Variants in BICRA observed in about 807,000 individuals in gnomAD.
BICRA encodes BRD4 interacting chromatin remodeling complex associated protein.
In BICRA, 31 loss-of-function variants were observed where a neutral mutation model predicts 96.9. The ratio of observed to expected loss-of-function variants is 0.32; its 90% CI spans 0.24 to 0.43. The LOEUF (loss-of-function observed/expected upper bound fraction) is 0.43. Among genes scored for constraint, BICRA ranks in the 20% least tolerant of loss-of-function variants. The pLI is 1.00. For synonymous variants in BICRA, 1,350 were observed against 1,071.8 expected, an observed-to-expected ratio of 1.26 and a Z score of -5.07; for missense variants, 2,283 against 2,190.3, an observed-to-expected ratio of 1.04 and a Z score of -0.84.
chr19:47,687,576 A>T (rs1024384491), intron 7 of BICRA, among the ~76,000 whole-genome samples: 1 of 152,084 alleles, frequency 6.6e-6, no homozygotes, highest in Non-Finnish European at 1.5e-5. Flanking sequence ...GCGGGCAATC[A>T]CCTGAGGTCA....
rs1465340179 is a variant in BICRA, at chr19:47,637,404, C to G, written c.-108+28236C>G. ...AAAGTGCTGGGAATACAGGCGTGAGCCACTGCGCCCAGCCTGTTTTTATTT... is the reference window on the plus strand; with the variant it reads ...AAAGTGCTGGGAATACAGGCGTGAGGCACTGCGCCCAGCCTGTTTTTATTT... On this transcript the variant is annotated intron_variant, in intron 1 of 14. Transcript: ENST00000594866. Among the ~76,000 whole-genome samples the G allele has an allele frequency of 3.9e-5, 6 of 151,930 alleles. No individual in the cohort carries two copies. In the East Asian group the frequency reaches 1.2e-3, roughly 30 times the overall value.
intron 1 of BICRA, among the ~76,000 whole-genome samples, chr19:47,612,694 C>G (rs997628420): frequency 6.0e-5 from 9 of 150,858 alleles, no homozygotes; most frequent in Non-Finnish European, 1.5e-5. Context: ...GGAGGTAATA[C>G]AGGTGATCTT....
rs35737042 is a variant in BICRA at position 47,668,487 on chromosome 19, C to CTT, written c.-107-1940_-107-1939dup. Reference sequence around the variant, plus strand: ...CCACATTTTTCACATCTTTGTGAGTCTTTTTTTTTTTTTTTTTGAGACGGA... The same window carrying CTT: ...CCACATTTTTCACATCTTTGTGAGTCTTTTTTTTTTTTTTTTTTTGAGACGGA... On this transcript the variant is annotated intron_variant, in intron 1 of 14. Coordinates refer to ENST00000594866, the MANE Select transcript of BICRA (RefSeq NM_001394372.1). Among the ~76,000 whole-genome samples, 167 of 125,944 alleles carry CTT rather than the reference C, an allele frequency of 1.3e-3. 7 individuals carry two copies. Among genetic ancestry groups the CTT allele is most frequent in the East Asian group, 6.8e-3 (28 of 4,104 alleles). 82.6% of individuals were successfully genotyped at this position (125,944 alleles called of 152,430 possible). A position where few individuals can be genotyped will look rare whatever the true frequency, so the allele number is the denominator to read the frequency against.
chr19:47,700,381 A>G (rs1973421710), intron 14 of BICRA: 1 of 152,150 alleles, frequency 6.6e-6, no homozygotes, highest in South Asian at 2.1e-4. Flanking sequence ...AGCTACCTCA[A>G]TGCTGTCTTC....
chr19:47,654,254 G>C (rs1972581823), intron 1 of BICRA, among the ~76,000 whole-genome samples: 1 of 152,108 alleles, frequency 6.6e-6, no homozygotes, highest in African/African-American at 2.4e-5. Context: ...GGTATCCTCT[G>C]GTTCTGATGT....
At chr19:47,654,301 T>G (rs938408011) in intron 1 of BICRA, among the ~76,000 whole-genome samples, 5 of 152,182 alleles carry the variant, frequency 3.3e-5, no homozygotes, top group African/African-American at 1.2e-4. Context: ...GAGTATCTTG[T>G]CATGGCCATT....
intron 7 of BICRA, among the ~76,000 whole-genome samples, chr19:47,690,278 AGGTGTGAGCCACCGC>A (rs2123601364): frequency 1.3e-5 from 2 of 152,328 alleles, no homozygotes; most frequent in East Asian, 3.9e-4. Flanking sequence ...CTGGGATTAC[AGGTGTGAGCCACCGC>A]GCCCGGCCTA....
chr19:47,627,945 T>A lies in BICRA; in HGVS notation c.-108+18777T>A, dbSNP rs149259681. ...CCACTATGTCTGGCTAATTTCTGTA[T>A]TTTTAGTAGAGACGGGATTTCTTCA... On this transcript the variant is annotated intron_variant, in intron 1 of 14. Transcript: ENST00000594866. Among the ~76,000 whole-genome samples, 579 of 152,274 alleles carry A rather than the reference T, an allele frequency of 3.8e-3. 1 individual carries two copies. Among genetic ancestry groups the A allele is most frequent in the Non-Finnish European group, 6.7e-3 (453 of 68,016 alleles).
chr19:47,648,456 C>T (rs1972494605), intron 1 of BICRA, among the ~76,000 whole-genome samples: 1 of 151,854 alleles, frequency 6.6e-6, no homozygotes, highest in African/African-American at 2.4e-5. Flanking sequence ...GGGAGCCAGG[C>T]AGGAGCTAAG....
chr19:47,699,467 G>A lies in BICRA; in HGVS notation c.3595+62G>A. 1 of 970,144 alleles carries A rather than the reference G, an allele frequency of 1.0e-6. No individual in the cohort carries two copies. Among genetic ancestry groups the A allele is most frequent in the Non-Finnish European group, 1.6e-6 (1 of 618,908 alleles). 60.1% of individuals were successfully genotyped at this position (970,144 alleles called of 1,614,324 possible). A position where few individuals can be genotyped will look rare whatever the true frequency, so the allele number is the denominator to read the frequency against. On this transcript the variant is annotated intron_variant, in intron 14 of 14. Coordinates refer to ENST00000594866, the MANE Select transcript of BICRA (RefSeq NM_001394372.1). This position sits in a 1 kb window ranked among gnomAD's most constrained non-coding sequence, Gnocchi z 5.0. ...GTGCCCCCACCCCACCTGGGCAGAA[G>A]AGTTAGATTCAGGGCGGGGAGTGGG... is the stretch of plus-strand genomic sequence containing the variant.
At position 47,701,772 on chromosome 19, in the gene BICRA, C is replaced by T. The variant is rs1973453912; in HGVS notation, c.4040C>T (p.Pro1347Leu). ...PATLKVAEPP[P>L]RPPPPPPPTG... ...ACCCTCAAGGTGGCCGAGCCCCCGC[C>T]ACGGCCGCCACCACCACCGCCGCCC... is the stretch of plus-strand genomic sequence containing the variant. Residue 1347 changes from proline (P) to leucine (L), a missense_variant, in exon 15 of 15, where the codon CCA becomes CTA. Pro to Leu is a moderately conservative substitution (Grantham distance 98, BLOSUM62 -3). Coordinates refer to ENST00000594866, the MANE Select transcript of BICRA (RefSeq NM_001394372.1). The surrounding 1 kb of genome is among the most constrained non-coding windows in gnomAD (Gnocchi z 5.4). The T allele has an allele frequency of 6.5e-7, 1 of 1,541,048 alleles. No homozygotes were observed. Among genetic ancestry groups the T allele is most frequent in the South Asian group, 1.2e-5 (1 of 83,952 alleles).
At chr19:47,622,327 C>T (rs887133060) in intron 1 of BICRA, among the ~76,000 whole-genome samples, 5 of 151,778 alleles carry the variant, frequency 3.3e-5, no homozygotes, top group Non-Finnish European at 7.4e-5. Context: ...GAACTCCTGA[C>T]CTCAGGTGAT....
intron 1 of BICRA, among the ~76,000 whole-genome samples, chr19:47,627,365 G>C (rs1972156688): frequency 6.6e-6 from 1 of 152,120 alleles, no homozygotes. Flanking sequence ...TAATCAGCTA[G>C]AGAGGCCTAC....
chr19:47,702,449 C>A lies in BICRA; in HGVS notation c.*34C>A. 6.9e-7 allele frequency: 1 copy of A among 1,445,604 alleles called. No individual in the cohort carries two copies. The highest frequency in any genetic ancestry group is 9.0e-7 in the Non-Finnish European group (1 of 1,112,820). The allele number at this position is 1,445,604 out of a possible 1,614,324, so 89.5% of individuals were successfully genotyped here. On this transcript the variant is annotated 3_prime_UTR_variant, in exon 15 of 15. Coordinates refer to ENST00000594866, the MANE Select transcript of BICRA (RefSeq NM_001394372.1). ...CGCCTCCCCTTCCCCGTCCCCTCCT[C>A]CCGAAGACGCCGGGACAGTCGGGTG...
Position 47,701,872 on chromosome 19 carries a change from G to A in BICRA, c.4140G>A (p.Pro1380=), listed in dbSNP as rs752637038. 1.3e-5 allele frequency: 19 copies of A among 1,478,574 alleles called. No individual in the cohort carries two copies. In the South Asian group the frequency reaches 2.0e-4, roughly 16 times the overall value. 91.6% of individuals were successfully genotyped at this position (1,478,574 alleles called of 1,614,324 possible). A position where few individuals can be genotyped will look rare whatever the true frequency, so the allele number is the denominator to read the frequency against. The change falls in exon 15 of 15, where the codon CCG becomes CCA. Residue 1380 remains proline (P), a synonymous_variant. Coordinates refer to ENST00000594866, the MANE Select transcript of BICRA (RefSeq NM_001394372.1). This position sits in a 1 kb window ranked among gnomAD's most constrained non-coding sequence, Gnocchi z 5.4. ...AGCGCAAGCCCCTGGGCACCGCCCCGCACTGCCCGCGCCTGCCACTGCGCA... is the reference window on the plus strand; with the variant it reads ...AGCGCAAGCCCCTGGGCACCGCCCCACACTGCCCGCGCCTGCCACTGCGCA... ...APERKPLGTA[P]HCPRLPLRKT...
chr19:47,664,705 G>A (rs1350424940), intron 1 of BICRA, among the ~76,000 whole-genome samples: 3 of 152,202 alleles, frequency 2.0e-5, no homozygotes, highest in Admixed American at 6.5e-5. Flanking sequence ...GAGTGGGCCC[G>A]GGTCGCAGTG....
intron 10 of BICRA, among the ~76,000 whole-genome samples, 179 bp downstream of exon 10, chr19:47,695,653 A>G (rs1046868541): frequency 6.6e-6 from 1 of 152,160 alleles, no homozygotes; most frequent in Non-Finnish European, 1.5e-5. Context: ...TGACACCCAG[A>G]CAGGCAGCCA....
chr19:47,620,818 A>T (rs1251398896), intron 1 of BICRA, among the ~76,000 whole-genome samples: 1 of 152,054 alleles, frequency 6.6e-6, no homozygotes, highest in Non-Finnish European at 1.5e-5. Context: ...ATTTTCATCA[A>T]GCGCTGTCTC....
chr19:47,622,960 C>G (rs1409601300), intron 1 of BICRA, among the ~76,000 whole-genome samples: 1 of 150,920 alleles, frequency 6.6e-6, no homozygotes, highest in Non-Finnish European at 1.5e-5. Context: ...TTGTTTGAGC[C>G]CAGGAGGCGG....
Sources: gnomAD v4.1 joint callset for allele counts (sites outside exome capture counted in the v4.1 genomes callset) on GRCh38, gnomAD v4.1.1 for gene constraint, Gnocchi (gnomAD v3.1) non-coding constraint, MANE v1.5 for transcripts, NCBI Gene and HGNC (gene_info 2026-07-23, HGNC 2026-07-21) for gene names.